PPFIA2: variants seen among roughly 807,000 people sequenced by gnomAD.
The protein encoded by PPFIA2 is liprin-alpha-2.
Under a neutral mutation model 175.5 loss-of-function variants are expected in PPFIA2, and 46 were observed. That is an observed-to-expected ratio of 0.26 (90% CI 0.21 to 0.34). PPFIA2 has a LOEUF of 0.34. PPFIA2 is among the 10% of genes least tolerant of loss of function. The pLI is 1.00. For missense variants in PPFIA2, 1,179 were observed against 1,506.1 expected (o/e 0.78, Z 3.60); for synonymous variants, 568 against 511.4 (o/e 1.11, Z -1.49).
intron 15 of PPFIA2, among the ~76,000 whole-genome samples, chr12:81,362,194 T>C (rs1324067173): frequency 1.5e-4 from 22 of 151,270 alleles, no homozygotes. Context: ...CCTCTTTTTT[T>C]TTTTTGCAAT....
chr12:81,693,073 T>C (rs1430101158), intron 3 of PPFIA2, among the ~76,000 whole-genome samples: 3 of 152,156 alleles, frequency 2.0e-5, no homozygotes, highest in Non-Finnish European at 2.9e-5. Flanking sequence ...CCTTAGTCAA[T>C]ATCTCTGACC....
rs553776111 is a variant in PPFIA2, at chr12:81,541,209, G to C, written c.304-83343C>G. On this transcript the variant is annotated intron_variant, in intron 4 of 32. Coordinates refer to ENST00000549396, the MANE Select transcript of PPFIA2 (RefSeq NM_003625.5). The stretch of plus-strand genomic sequence containing the variant: ...TTAGGCTGCTACACAGAATCAGTTA[G>C]GCTGTTTCCACATTTTTCCCCATAT... Among the ~76,000 whole-genome samples the C allele has an allele frequency of 3.3e-5, 5 of 152,016 alleles. No individual in the cohort carries two copies. The East Asian group carries it at 9.7e-4, about 29-fold the overall frequency.
intron 3 of PPFIA2, among the ~76,000 whole-genome samples, chr12:81,683,860 G>A (rs1189552728): frequency 6.6e-6 from 1 of 152,180 alleles, no homozygotes; most frequent in African/African-American, 2.4e-5. Context: ...ATCTGAGCAG[G>A]GCCTTAGGCT....
rs149675592 is a variant in PPFIA2, at chr12:81,289,040, T to C, written c.2926-4737A>G. Among the ~76,000 whole-genome samples, 7 of 151,928 alleles carry C rather than the reference T, an allele frequency of 4.6e-5. No homozygotes were observed. In the East Asian group the frequency reaches 1.4e-3, roughly 29 times the overall value. ...TTAGGAGAAAACCCACATAGGAGTA[T>C]GACCTTAGGTGAGTCAGTTTACTTC... On this transcript the variant is annotated intron_variant, in intron 24 of 32. Coordinates refer to ENST00000549396, the MANE Select transcript of PPFIA2 (RefSeq NM_003625.5).
chr12:81,636,626 C>A (rs982015649), intron 4 of PPFIA2, among the ~76,000 whole-genome samples: 1 of 150,014 alleles, frequency 6.7e-6, no homozygotes, highest in Non-Finnish European at 1.5e-5. Flanking sequence ...AGATTATTTT[C>A]CAAATCCTTA....
At position 81,339,167 on chromosome 12, in the gene PPFIA2, C is replaced by A. The variant is rs1467087254; in HGVS notation, c.2548+13G>T. 11 of 1,573,568 alleles carry A rather than the reference C, an allele frequency of 7.0e-6. No individual in the cohort carries two copies. Among genetic ancestry groups the A allele is most frequent in the Non-Finnish European group, 9.5e-6 (11 of 1,160,872 alleles). On this transcript the variant is annotated intron_variant, in intron 21 of 32. Transcript: ENST00000549396. ...TGAGTGGCAGTGGAAAGTCTTAACA[C>A]ATGCATACTTACGGAGCTGCCCAAG...
intron 3 of PPFIA2, among the ~76,000 whole-genome samples, chr12:81,731,492 G>T (rs955124991): frequency 1.3e-5 from 2 of 151,540 alleles, no homozygotes; most frequent in African/African-American, 4.8e-5. Flanking sequence ...GCGAGCAAAT[G>T]CATTTTCTGT....
intron 4 of PPFIA2, among the ~76,000 whole-genome samples, chr12:81,662,385 C>T (rs557522052): frequency 2.6e-5 from 4 of 152,244 alleles, no homozygotes; most frequent in East Asian, 1.9e-4. Flanking sequence ...ACCAATCCCA[C>T]GGAAATACAA....
intron 4 of PPFIA2, among the ~76,000 whole-genome samples, chr12:81,599,306 C>T (rs1293264671): frequency 2.6e-5 from 4 of 151,914 alleles, no homozygotes; most frequent in African/African-American, 9.7e-5. Context: ...TTTACACATA[C>T]AACCTAAATT....
chr12:81,282,632 T>C lies in PPFIA2; in HGVS notation c.3018+378A>G, dbSNP rs968768258. On this transcript the variant is annotated intron_variant, in intron 26 of 32. Transcript: ENST00000549396. Reference sequence around the variant, plus strand: ...CTCTTCATACACTTTGCATTATATCTGAAGGCATGTGCAACTCCAAATAAG... The same window carrying C: ...CTCTTCATACACTTTGCATTATATCCGAAGGCATGTGCAACTCCAAATAAG... 3.7e-5 allele frequency: 6 copies of C among 160,398 alleles called. No individual in the cohort carries two copies. The Admixed American group carries it at 3.7e-4, about 10-fold the overall frequency. 9.9% of individuals were successfully genotyped at this position (160,398 alleles called of 1,614,324 possible).
At chr12:81,708,941 T>G (rs1334259947) in intron 3 of PPFIA2, among the ~76,000 whole-genome samples, 1 of 152,200 alleles carries the variant, frequency 6.6e-6, no homozygotes, top group African/African-American at 2.4e-5. Context: ...GGCAAGGTAA[T>G]TTTAAAGATA....
chr12:81,631,613 G>GTA (rs1478022034), intron 4 of PPFIA2, among the ~76,000 whole-genome samples: 1 of 152,060 alleles, frequency 6.6e-6, no homozygotes, highest in Non-Finnish European at 1.5e-5. Context: ...TTGATACATG[G>GTA]GGATCTAACT....
intron 3 of PPFIA2, among the ~76,000 whole-genome samples, chr12:81,728,904 G>C (rs957736072): frequency 6.6e-6 from 1 of 151,522 alleles, no homozygotes; most frequent in Admixed American, 6.6e-5. Flanking sequence ...AAATGGGATG[G>C]AGGAAGAAAG....
rs547382725 is a variant in PPFIA2, at chr12:81,656,652, C to T, written c.303+20139G>A. On this transcript the variant is annotated intron_variant, in intron 4 of 32. Transcript: ENST00000549396. Reference sequence around the variant, plus strand: ...ATTTTCTATAAAAGTTCTCACCATGCTTCAATCAAAATATAAATTATGTCT... The same window carrying T: ...ATTTTCTATAAAAGTTCTCACCATGTTTCAATCAAAATATAAATTATGTCT... Among the ~76,000 whole-genome samples the T allele has an allele frequency of 3.4e-4, 51 of 151,990 alleles. No individual in the cohort carries two copies. In the South Asian group the frequency reaches 5.8e-3, roughly 17 times the overall value.
intron 4 of PPFIA2, among the ~76,000 whole-genome samples, chr12:81,519,486 T>C (rs1310206077): frequency 6.6e-6 from 1 of 152,208 alleles, no homozygotes; most frequent in Non-Finnish European, 1.5e-5. Context: ...TATCTAATTA[T>C]AGAGAGACCC....
chr12:81,363,677 T>G (rs1165411190), intron 14 of PPFIA2, among the ~76,000 whole-genome samples: 1 of 151,786 alleles, frequency 6.6e-6, no homozygotes, highest in Non-Finnish European at 1.5e-5. Context: ...AATGTTTCTC[T>G]TTTCTGTTCT....
At chr12:81,624,580 A>AAT (rs896898043) in intron 4 of PPFIA2, among the ~76,000 whole-genome samples, 42 of 146,164 alleles carry the variant, frequency 2.9e-4, no homozygotes, top group South Asian at 2.1e-3. Context: ...GACCTGGACA[A>AAT]ATATATATAT....
rs558496955 is a variant in PPFIA2 at position 81,457,145 on chromosome 12, G to T, written c.405+620C>A. Among the ~76,000 whole-genome samples the T allele has an allele frequency of 1.2e-3, 181 of 151,856 alleles. 1 individual carries two copies. The highest frequency in any genetic ancestry group is 6.8e-3 in the Middle Eastern group (2 of 294). Reference sequence around the variant, plus strand: ...ACTGCAGGTGCGTGCCACCAAGCCTGGCTGACTTTTGTATTTATAGTAGAA... The same window carrying T: ...ACTGCAGGTGCGTGCCACCAAGCCTTGCTGACTTTTGTATTTATAGTAGAA... On this transcript the variant is annotated intron_variant, in intron 5 of 32. Transcript: ENST00000549396.
chr12:81,396,859 G>A (rs180754823), intron 8 of PPFIA2, among the ~76,000 whole-genome samples: 1 of 152,104 alleles, frequency 6.6e-6, no homozygotes, highest in East Asian at 1.9e-4. Context: ...GTGATCAATG[G>A]AAGTGGTAGG....
Sources: gnomAD v4.1 joint callset for allele counts (sites outside exome capture counted in the v4.1 genomes callset) on GRCh38, gnomAD v4.1.1 for gene constraint, MANE v1.5 for transcripts, NCBI Gene and HGNC (gene_info 2026-07-23, HGNC 2026-07-21) for gene names.